Variants in KIAA1217 observed in about 807,000 individuals in gnomAD.
KIAA1217 encodes the protein KIAA1217.
KIAA1217 carries 88 observed loss-of-function variants against 163.9 expected under a neutral mutation model. The ratio of observed to expected loss-of-function variants is 0.54; its 90% confidence interval spans 0.45 to 0.64. KIAA1217 has a LOEUF of 0.64. Among genes scored for constraint, KIAA1217 ranks in the 30% least tolerant of loss-of-function variants. KIAA1217 has a pLI of 0.00. For synonymous variants in KIAA1217, 903 were observed against 923.1 expected (o/e 0.98, Z 0.39); for missense variants, 2,372 against 2,475.0 (o/e 0.96, Z 0.88).
chr10:24,208,899 G>A, upstream of KIAA1217: 1 of 355,842 alleles, frequency 2.8e-6, no homozygotes, highest in Middle Eastern at 8.2e-4. Flanking sequence ...CCCTGCCCTG[G>A]CAGAGCCCAG....
chr10:23,862,138 A>G (rs906197892), intron 1 of KIAA1217, among the ~76,000 whole-genome samples: 4 of 152,162 alleles, frequency 2.6e-5, no homozygotes, highest in African/African-American at 9.7e-5. Flanking sequence ...GTGAGTTCAT[A>G]GCAGTCTAGT....
At chr10:23,937,536 G>A (rs1843583532) in intron 1 of KIAA1217, among the ~76,000 whole-genome samples, 1 of 152,086 alleles carries the variant, frequency 6.6e-6, no homozygotes, top group African/African-American at 2.4e-5. Flanking sequence ...ACCTTACCTA[G>A]CCCCACTATC....
chr10:24,020,354 A>G (rs1847678248), intron 2 of KIAA1217, among the ~76,000 whole-genome samples: 1 of 152,124 alleles, frequency 6.6e-6, no homozygotes, highest in Non-Finnish European at 1.5e-5. Flanking sequence ...CACACTAAGT[A>G]GCATTGTCAG....
intron 1 of KIAA1217, among the ~76,000 whole-genome samples, chr10:23,697,103 C>T (rs755878032): frequency 5.3e-5 from 8 of 152,160 alleles, no homozygotes; most frequent in Non-Finnish European, 4.4e-5. Context: ...CTATGAAATA[C>T]GTGCATCTCT....
chr10:24,319,149 G>A (rs952405298), intron 2 of KIAA1217, among the ~76,000 whole-genome samples: 16 of 152,112 alleles, frequency 1.1e-4, no homozygotes, highest in African/African-American at 3.9e-4. Context: ...AGGCCGAGGC[G>A]GGCAGATCAC....
At chr10:24,075,778 A>G (rs2061350476) in intron 2 of KIAA1217, among the ~76,000 whole-genome samples, 1 of 151,654 alleles carries the variant, frequency 6.6e-6, no homozygotes. Context: ...TAATTTTTGT[A>G]TTTTTAGTAG....
At chr10:24,085,279 T>C (rs2061661471) in intron 2 of KIAA1217, among the ~76,000 whole-genome samples, 1 of 150,378 alleles carries the variant, frequency 6.6e-6, no homozygotes, top group African/African-American at 2.5e-5. Context: ...ACTTTGGAAT[T>C]TCATAAACTG....
intron 2 of KIAA1217, among the ~76,000 whole-genome samples, chr10:24,161,203 G>A (rs1014155428): frequency 1.3e-5 from 2 of 152,104 alleles, no homozygotes; most frequent in African/African-American, 4.8e-5. Flanking sequence ...CAGAGCCTTG[G>A]GGAAACATGT....
At chr10:24,202,880 A>G (rs1351595718) in intron 2 of KIAA1217, among the ~76,000 whole-genome samples, 2 of 152,216 alleles carry the variant, frequency 1.3e-5, no homozygotes, top group Non-Finnish European at 2.9e-5. Context: ...AGTTGAAAGA[A>G]GAGGAATTTT....
intron 2 of KIAA1217, among the ~76,000 whole-genome samples, chr10:24,140,601 A>G (rs1419760793): frequency 6.6e-6 from 1 of 152,202 alleles, no homozygotes; most frequent in Non-Finnish European, 1.5e-5. Flanking sequence ...GGAATGAAGC[A>G]GGACTGTATG....
chr10:23,894,992 A>G (rs892955739), intron 1 of KIAA1217, among the ~76,000 whole-genome samples: 27 of 152,196 alleles, frequency 1.8e-4, no homozygotes, highest in African/African-American at 6.3e-4. Flanking sequence ...AAATTAATTC[A>G]AGATTGATTA....
chr10:24,263,909 G>C (rs2075956303), intron 2 of KIAA1217, among the ~76,000 whole-genome samples: 1 of 151,970 alleles, frequency 6.6e-6, no homozygotes, highest in African/African-American at 2.4e-5. Flanking sequence ...CCAGGCTGGA[G>C]TGCAGTGGTG....
At chr10:24,012,584 T>C (rs1331043568) in intron 2 of KIAA1217, among the ~76,000 whole-genome samples, 2 of 152,184 alleles carry the variant, frequency 1.3e-5, no homozygotes, top group African/African-American at 4.8e-5. Context: ...AAATTCTCCC[T>C]TGTGCCTTTG....
At chr10:24,335,584 T>TTTTTTTTATTTATTTATTTA (rs1554820370) in intron 2 of KIAA1217, among the ~76,000 whole-genome samples, 7 of 138,398 alleles carry the variant, frequency 5.1e-5, no homozygotes, top group Admixed American at 5.0e-4. Context: ...TTTTATCTTA[T>TTTTTTTTATTTATTTATTTA]TTTATTTATT....
At chr10:24,179,652 C>G (rs187967269) in intron 2 of KIAA1217, among the ~76,000 whole-genome samples, 65 of 152,070 alleles carry the variant, frequency 4.3e-4, no homozygotes, top group African/African-American at 1.6e-3. Context: ...GCAGTGGTTC[C>G]ATCTCAGCTC....
At chr10:24,223,501 G>C (rs1359676604) in intron 2 of KIAA1217, among the ~76,000 whole-genome samples, 2 of 152,206 alleles carry the variant, frequency 1.3e-5, no homozygotes, top group Admixed American at 1.3e-4. Flanking sequence ...TACACAGCCA[G>C]CTGTGAGAAG....
chr10:24,293,295 T>G (rs1268223529), intron 2 of KIAA1217, among the ~76,000 whole-genome samples: 1 of 152,206 alleles, frequency 6.6e-6, no homozygotes, highest in African/African-American at 2.4e-5. Flanking sequence ...GGTCTTGAAC[T>G]CCTGACCTCA....
chr10:23,913,976 T>C (rs985110335), intron 1 of KIAA1217, among the ~76,000 whole-genome samples: 11 of 152,248 alleles, frequency 7.2e-5, no homozygotes, highest in Admixed American at 7.2e-4. Flanking sequence ...GCCAGGTGGC[T>C]CCTAGGTGCC....
chr10:24,544,793 A>G (rs1044495761), intron 19 of KIAA1217, among the ~76,000 whole-genome samples, 188 bp from the exon 20 acceptor site: 4 of 152,074 alleles, frequency 2.6e-5, no homozygotes, highest in African/African-American at 9.7e-5. Context: ...AATCCGTTTG[A>G]TCAGTAGTGA....
Sources: gnomAD v4.1 joint callset for allele counts (sites outside exome capture counted in the v4.1 genomes callset) on GRCh38, gnomAD v4.1.1 for gene constraint, MANE v1.5 for transcripts, NCBI Gene and HGNC (gene_info 2026-07-23, HGNC 2026-07-21) for gene names.